The following SH3GL2 variants were observed in gnomAD, a reference collection of about 807,000 sequenced individuals.
SH3GL2 encodes the protein SH3 domain containing GRB2 like 2, endophilin A1, also known as endophilin-A1.
Under a neutral mutation model 46.0 loss-of-function variants are expected in SH3GL2, and 24 were observed. The observed-to-expected ratio is 0.52, with a 90% CI of 0.38 to 0.73. SH3GL2 has a LOEUF of 0.73. Ranked by LOEUF, SH3GL2 falls within the 30% of genes least tolerant of loss-of-function variation. The pLI is 0.00. For synonymous variants in SH3GL2, 196 were observed against 147.1 expected (o/e 1.33, Z -2.40); for missense variants, 413 against 424.2 (o/e 0.97, Z 0.23).
intron 1 of SH3GL2, among the ~76,000 whole-genome samples, chr9:17,723,318 A>G (rs995880391): frequency 2.0e-5 from 3 of 152,194 alleles, no homozygotes; most frequent in African/African-American, 4.8e-5. Flanking sequence ...ATTAGAATGA[A>G]TAAGTTCTCT....
chr9:17,609,535 G>C (rs1464345498), intron 1 of SH3GL2, among the ~76,000 whole-genome samples: 1 of 152,168 alleles, frequency 6.6e-6, no homozygotes, highest in Admixed American at 6.5e-5. Context: ...GCTGTAGCCA[G>C]TGAGAAAGTG....
chr9:17,770,771 C>T (rs1207816768), intron 3 of SH3GL2, among the ~76,000 whole-genome samples: 1 of 152,202 alleles, frequency 6.6e-6, no homozygotes, highest in Non-Finnish European at 1.5e-5. Context: ...GGGGTAGTCT[C>T]TAGAACCTAA....
chr9:17,762,598 T>C (rs1823210149), intron 3 of SH3GL2, among the ~76,000 whole-genome samples: 1 of 152,118 alleles, frequency 6.6e-6, no homozygotes, highest in African/African-American at 2.4e-5. Flanking sequence ...GTTGCTGTTG[T>C]TTTTGTTCAT....
intron 3 of SH3GL2, among the ~76,000 whole-genome samples, chr9:17,777,475 C>T (rs796813211): frequency 2.0e-5 from 3 of 151,938 alleles, no homozygotes; most frequent in South Asian, 2.1e-4. Context: ...TTCATTTTCC[C>T]CCGGAACCTC....
intron 1 of SH3GL2, among the ~76,000 whole-genome samples, chr9:17,740,652 G>C (rs1335004486): frequency 6.6e-6 from 1 of 152,106 alleles, no homozygotes; most frequent in African/African-American, 2.4e-5. Context: ...TAAAGAGCTT[G>C]TGCATTAAGT....
At chr9:17,652,184 C>T (rs181794619) in intron 1 of SH3GL2, among the ~76,000 whole-genome samples, 16 of 152,152 alleles carry the variant, frequency 1.1e-4, no homozygotes, top group African/African-American at 3.1e-4. Context: ...CTATTGAAGG[C>T]ATTTAAAGCT....
chr9:17,653,837 T>A, intron 1 of SH3GL2: 1 of 976,612 alleles, frequency 1.0e-6, no homozygotes, highest in Non-Finnish European at 1.2e-6. Context: ...AGATACTGCC[T>A]TGGTGAACAT....
intron 1 of SH3GL2, among the ~76,000 whole-genome samples, chr9:17,662,152 T>C (rs1268454037): frequency 1.3e-5 from 2 of 152,230 alleles, no homozygotes; most frequent in South Asian, 2.1e-4. Flanking sequence ...GTCAGTTAGA[T>C]CCTGTTGGTT....
At chr9:17,764,302 A>C (rs891317903) in intron 3 of SH3GL2, among the ~76,000 whole-genome samples, 1 of 152,190 alleles carries the variant, frequency 6.6e-6, no homozygotes, top group African/African-American at 2.4e-5. Flanking sequence ...AACAGGTACA[A>C]TTTCATCCCT....
intron 1 of SH3GL2, among the ~76,000 whole-genome samples, chr9:17,599,229 CAT>C (rs2134560187): frequency 6.6e-6 from 1 of 152,190 alleles, no homozygotes; most frequent in East Asian, 1.9e-4. Flanking sequence ...ACTTTCTAAA[CAT>C]AACATATCAT....
At chr9:17,787,569 G>C (rs1303449869) in intron 5 of SH3GL2, 56 bp downstream of exon 5, 4 of 1,459,466 alleles carry the variant, frequency 2.7e-6, no homozygotes, top group Non-Finnish European at 3.8e-6. Flanking sequence ...AGATGCAGAT[G>C]CCTTTTTTCT....
In SH3GL2 at chr9:17,633,374, C is replaced by T. The variant is rs187794196; in HGVS notation, c.45+54087C>T. On this transcript the variant is annotated intron_variant, in intron 1 of 8. Transcript: ENST00000380607. ...TCAATGGCTGCACTGCTGCCAGTGA[C>T]GTTAAAAAGTCATCCATGTAAAAGC... Among the ~76,000 whole-genome samples, 273 of 152,218 alleles carry T rather than the reference C, an allele frequency of 1.8e-3. 1 individual carries two copies. The highest frequency in any genetic ancestry group is 6.3e-3 in the African/African-American group (262 of 41,528).
chr9:17,588,337 A>G (rs565887406), intron 1 of SH3GL2, among the ~76,000 whole-genome samples: 1 of 152,150 alleles, frequency 6.6e-6, no homozygotes, highest in Non-Finnish European at 1.5e-5. Context: ...TGTGGGTGCA[A>G]TGTTCAATTT....
At chr9:17,730,413 G>A (rs1040933011) in intron 1 of SH3GL2, among the ~76,000 whole-genome samples, 1 of 152,126 alleles carries the variant, frequency 6.6e-6, no homozygotes, top group African/African-American at 2.4e-5. Context: ...GGCAGAGACA[G>A]TTTGAATTCG....
intron 1 of SH3GL2, among the ~76,000 whole-genome samples, chr9:17,739,364 T>A (rs1364820772): frequency 1.3e-5 from 2 of 151,830 alleles, no homozygotes; most frequent in Non-Finnish European, 2.9e-5. Flanking sequence ...TTAAATAGAA[T>A]TCGAAAAACT....
intron 1 of SH3GL2, among the ~76,000 whole-genome samples, chr9:17,631,363 C>T (rs1438039394): frequency 1.3e-5 from 2 of 152,174 alleles, no homozygotes. Flanking sequence ...TTCTGACATC[C>T]CCTCTTGCTC....
At chr9:17,720,244 AGG>A (rs1439806240) in intron 1 of SH3GL2, among the ~76,000 whole-genome samples, 1 of 152,110 alleles carries the variant, frequency 6.6e-6, no homozygotes, top group East Asian at 1.9e-4. Flanking sequence ...TACAGACAGG[AGG>A]GGACAAAAGA....
intron 1 of SH3GL2, among the ~76,000 whole-genome samples, chr9:17,639,257 G>A (rs111454442): frequency 0.013 from 2,044 of 152,220 alleles, 43 homozygotes; most frequent in African/African-American, 0.046. Flanking sequence ...GATAGATCTG[G>A]GGGAACAAGG....
intron 1 of SH3GL2, among the ~76,000 whole-genome samples, chr9:17,632,581 A>G (rs746701801): frequency 1.3e-5 from 2 of 152,264 alleles, no homozygotes; most frequent in South Asian, 2.1e-4. Flanking sequence ...ATTTTTGCCT[A>G]TGTTTTTCTT....
Sources: allele counts gnomAD v4.1 joint callset (sites outside exome capture counted in the v4.1 genomes callset), GRCh38; gene constraint gnomAD v4.1.1; transcripts MANE v1.5; gene names NCBI Gene and HGNC (gene_info 2026-07-23, HGNC 2026-07-21).